Variants in CDKL3 observed in about 807,000 individuals in gnomAD.
The protein encoded by CDKL3 is cyclin dependent kinase like 3, also known as cyclin-dependent kinase-like 3.
Under a neutral mutation model 69.3 loss-of-function variants are expected in CDKL3, and 65 were observed. The ratio of observed to expected loss-of-function variants is 0.94; its 90% CI spans 0.77 to 1.15. The LOEUF (loss-of-function observed/expected upper bound fraction) is 1.15. CDKL3 is among the 50% of genes most tolerant of loss of function. The pLI is 0.00. For missense variants in CDKL3, 652 were observed against 689.2 expected (o/e 0.95, Z 0.61); for synonymous variants, 202 against 221.6 (o/e 0.91, Z 0.79).
rs1344460216 is a variant in CDKL3, at chr5:134,359,886, G to C, written c.360+11C>G. On this transcript the variant is annotated intron_variant, in intron 3 of 12. Coordinates refer to ENST00000265334, the MANE Select transcript of CDKL3 (RefSeq NM_001113575.2). Reference sequence around the variant, plus strand: ...TTCATCCTACAAATTGGCTTATTCTGAAGCACTTACATTATTACTGTGAAG... The same window carrying C: ...TTCATCCTACAAATTGGCTTATTCTCAAGCACTTACATTATTACTGTGAAG... The C allele has an allele frequency of 3.9e-6, 6 of 1,553,258 alleles. No individual in the cohort carries two copies. The highest frequency in any genetic ancestry group is 5.2e-6 in the Non-Finnish European group (6 of 1,148,592).
At chr5:134,322,933 C>T (rs1283186988) in intron 4 of CDKL3, among the ~76,000 whole-genome samples, 3 of 150,734 alleles carry the variant, frequency 2.0e-5, no homozygotes, top group Non-Finnish European at 4.4e-5. Context: ...GAGCCGAGAT[C>T]ATGCCATTGC....
chr5:134,359,628 GACT>G (rs2149644521), intron 3 of CDKL3, among the ~76,000 whole-genome samples: 1 of 152,134 alleles, frequency 6.6e-6, no homozygotes, highest in South Asian at 2.1e-4. Context: ...TGCTCCAGCT[GACT>G]ACTGATTCTA....
At chr5:134,320,598 G>A (rs776350576) in intron 5 of CDKL3, among the ~76,000 whole-genome samples, 1 of 151,644 alleles carries the variant, frequency 6.6e-6, no homozygotes, top group Non-Finnish European at 1.5e-5. Context: ...AAATTTAGCC[G>A]GGCGCGGTGG....
chr5:134,297,232 G>A (rs534509457), downstream of CDKL3, among the ~76,000 whole-genome samples: 15 of 152,022 alleles, frequency 9.9e-5, no homozygotes, highest in East Asian at 1.7e-3. Flanking sequence ...GATTATAGGC[G>A]TGAGCCACCG....
chr5:134,310,930 C>T (rs1424603327), intron 7 of CDKL3, among the ~76,000 whole-genome samples: 1 of 152,220 alleles, frequency 6.6e-6, no homozygotes, highest in African/African-American at 2.4e-5. Flanking sequence ...TCTTCCATAT[C>T]TGACCTTAGC....
At chr5:134,294,120 T>C (rs910562496), downstream of CDKL3, among the ~76,000 whole-genome samples, 3 of 151,858 alleles carry the variant, frequency 2.0e-5, no homozygotes, top group African/African-American at 7.3e-5. Context: ...AAAAAATAAA[T>C]GAAATAAAAT....
At chr5:134,332,431 T>A (rs892781281) in intron 4 of CDKL3, among the ~76,000 whole-genome samples, 15 of 152,292 alleles carry the variant, frequency 9.8e-5, no homozygotes, top group African/African-American at 2.6e-4. Context: ...TTTTAGGTCT[T>A]ACATTTAAGT....
downstream of CDKL3, among the ~76,000 whole-genome samples, chr5:134,296,620 A>C (rs912715575): frequency 2.6e-5 from 4 of 152,162 alleles, no homozygotes; most frequent in Non-Finnish European, 2.9e-5. Context: ...AAACTGGCTG[A>C]AACTTACTTA....
chr5:134,366,219 A>G (rs1282925053), intron 2 of CDKL3, 140 bp downstream of exon 2: 1 of 607,982 alleles, frequency 1.6e-6, no homozygotes, highest in Non-Finnish European at 2.7e-6. Context: ...ATAAAATTAC[A>G]AAATGTAGAT....
At chr5:134,325,758 T>G (rs1362473050) in intron 4 of CDKL3, among the ~76,000 whole-genome samples, 1 of 151,666 alleles carries the variant, frequency 6.6e-6, no homozygotes, top group Non-Finnish European at 1.5e-5. Context: ...ATTGTTATTA[T>G]TATTATTTAT....
At chr5:134,367,197 G>T, upstream of CDKL3, 1 of 985,682 alleles carries the variant, frequency 1.0e-6, no homozygotes, top group Non-Finnish European at 1.2e-6. Context: ...ACCGGAACAT[G>T]GGCAGGGTCC....
chr5:134,338,959 G>A (rs1207126062), intron 4 of CDKL3, among the ~76,000 whole-genome samples: 1 of 152,060 alleles, frequency 6.6e-6, no homozygotes, highest in Non-Finnish European at 1.5e-5. Flanking sequence ...TTTGAGACCA[G>A]CCTGGCCAAC....
chr5:134,358,887 T>C (rs1382582848), intron 3 of CDKL3, among the ~76,000 whole-genome samples: 2 of 152,132 alleles, frequency 1.3e-5, no homozygotes, highest in Non-Finnish European at 2.9e-5. Context: ...ATGCTGAGAT[T>C]AGAGGTGTGA....
intron 6 of CDKL3, chr5:134,319,042 T>C (rs187436781): frequency 5.5e-6 from 1 of 182,076 alleles, no homozygotes; most frequent in East Asian, 1.4e-4. Context: ...ATGAACTGCC[T>C]GGGTGCGGTG....
chr5:134,365,029 C>T (rs2149671369), intron 2 of CDKL3, among the ~76,000 whole-genome samples: 1 of 150,980 alleles, frequency 6.6e-6, no homozygotes, highest in African/African-American at 2.4e-5. Flanking sequence ...GTCGCCCAGG[C>T]TGGAGTGCAG....
intron 7 of CDKL3, among the ~76,000 whole-genome samples, chr5:134,311,612 C>A (rs1477777853): frequency 6.6e-6 from 1 of 151,976 alleles, no homozygotes; most frequent in Non-Finnish European, 1.5e-5. Context: ...AGAGGAAAAA[C>A]CAGACTATTC....
intron 6 of CDKL3, among the ~76,000 whole-genome samples, chr5:134,315,582 C>G (rs999376589): frequency 6.6e-6 from 1 of 152,050 alleles, no homozygotes; most frequent in Non-Finnish European, 1.5e-5. Context: ...CATCCTCATG[C>G]CTTGGCCTCC....
chr5:134,350,695 T>C (rs534369771), intron 3 of CDKL3, among the ~76,000 whole-genome samples: 2 of 151,910 alleles, frequency 1.3e-5, no homozygotes, highest in Admixed American at 6.6e-5. Context: ...AAGAACTTAA[T>C]GAGGCTGGGA....
At chr5:134,326,843 A>AG (rs1774453523) in intron 4 of CDKL3, among the ~76,000 whole-genome samples, 1 of 128,670 alleles carries the variant, frequency 7.8e-6, no homozygotes, top group Non-Finnish European at 1.5e-5. Flanking sequence ...ATATATATAT[A>AG]TATATATATA....
Sources: allele counts gnomAD v4.1 joint callset (sites outside exome capture counted in the v4.1 genomes callset), GRCh38; gene constraint gnomAD v4.1.1; transcripts MANE v1.5; gene names NCBI Gene and HGNC (gene_info 2026-07-23, HGNC 2026-07-21).